The following MAGI3 variants were observed in gnomAD, a reference collection of about 807,000 sequenced individuals.
MAGI3 encodes the protein membrane associated guanylate kinase, WW and PDZ domain containing 3, also known as membrane-associated guanylate kinase, WW and PDZ domain-containing protein 3.
A neutral mutation model predicts 121.8 loss-of-function variants in MAGI3; 43 were observed. The ratio of observed to expected loss-of-function variants is 0.35; its 90% CI spans 0.28 to 0.46. The LOEUF (loss-of-function observed/expected upper bound fraction) is 0.46. MAGI3 is among the 20% of genes least tolerant of loss of function. MAGI3 has a pLI of 1.00. For missense variants in MAGI3, 1,547 were observed against 1,797.3 expected (o/e 0.86, Z 2.52); for synonymous variants, 553 against 639.3 (o/e 0.86, Z 2.04).
chr1:113,606,200 C>T (rs1217212), intron 6 of MAGI3, among the ~76,000 whole-genome samples: 59,222 of 151,806 alleles, frequency 0.39, 13,313 homozygotes, highest in African/African-American at 0.61. Flanking sequence ...CTCCTGACCT[C>T]AAGTGATCCA....
intron 1 of MAGI3, among the ~76,000 whole-genome samples, chr1:113,497,117 C>T (rs1027171217): frequency 6.6e-6 from 1 of 152,106 alleles, no homozygotes; most frequent in Admixed American, 6.5e-5. Flanking sequence ...ATTAGCTGGG[C>T]GTGATGGCGC....
chr1:113,523,161 T>C (rs541459589), intron 1 of MAGI3, among the ~76,000 whole-genome samples: 12 of 152,234 alleles, frequency 7.9e-5, no homozygotes, highest in Non-Finnish European at 1.6e-4. Context: ...CCTTCCGCCG[T>C]GACTGTGAGG....
At chr1:113,539,196 C>T (rs1003371410) in intron 1 of MAGI3, among the ~76,000 whole-genome samples, 10 of 151,972 alleles carry the variant, frequency 6.6e-5, no homozygotes, top group African/African-American at 2.4e-4. Flanking sequence ...AGATCGAGAC[C>T]ATCCTGGCCA....
intron 14 of MAGI3, among the ~76,000 whole-genome samples, chr1:113,652,640 C>T (rs1653235371): frequency 6.6e-6 from 1 of 150,880 alleles, no homozygotes; most frequent in South Asian, 2.1e-4. Flanking sequence ...TTAGCTAATA[C>T]ATTCTAACTA....
chr1:113,518,105 T>G (rs114761358), intron 1 of MAGI3, among the ~76,000 whole-genome samples: 2,412 of 152,156 alleles, frequency 0.016, 73 homozygotes, highest in African/African-American at 0.056. Context: ...GTAATACAAA[T>G]AACACACCAC....
chr1:113,429,908 A>AT (rs1447707087), intron 1 of MAGI3, among the ~76,000 whole-genome samples: 1 of 152,122 alleles, frequency 6.6e-6, no homozygotes, highest in Non-Finnish European at 1.5e-5. Context: ...CTGCCTCACC[A>AT]TAAAGGCTGG....
At chr1:113,541,826 A>G (rs919033443) in intron 1 of MAGI3, among the ~76,000 whole-genome samples, 1 of 152,202 alleles carries the variant, frequency 6.6e-6, no homozygotes. Context: ...CTACTGGTCT[A>G]TGGAACTCTT....
intron 1 of MAGI3, among the ~76,000 whole-genome samples, chr1:113,433,523 C>T (rs1653408178): frequency 6.6e-6 from 1 of 152,166 alleles, no homozygotes; most frequent in African/African-American, 2.4e-5. Flanking sequence ...TGATTTCCTT[C>T]TAATGTATGC....
chr1:113,432,127 A>T (rs1653330882), intron 1 of MAGI3, among the ~76,000 whole-genome samples: 1 of 152,216 alleles, frequency 6.6e-6, no homozygotes. Context: ...TGCTGGGACA[A>T]TTGGTTATCT....
chr1:113,657,200 C>T (rs1653522868), intron 15 of MAGI3, among the ~76,000 whole-genome samples: 1 of 152,144 alleles, frequency 6.6e-6, no homozygotes, highest in African/African-American at 2.4e-5. Flanking sequence ...CTTTGTGTAT[C>T]AACAAAAACA....
intron 5 of MAGI3, among the ~76,000 whole-genome samples, chr1:113,591,341 G>A (rs975255025): frequency 3.3e-5 from 5 of 152,040 alleles, no homozygotes; most frequent in African/African-American, 7.2e-5. Context: ...AATTCTCATC[G>A]TAAAGTAATT....
intron 1 of MAGI3, among the ~76,000 whole-genome samples, chr1:113,462,910 A>G (rs971086507): frequency 2.6e-5 from 4 of 152,156 alleles, no homozygotes; most frequent in Admixed American, 6.6e-5. Flanking sequence ...AGGTATAGGA[A>G]AAATAAGATC....
chr1:113,609,973 T>G (rs1650021508), intron 6 of MAGI3, among the ~76,000 whole-genome samples: 1 of 152,184 alleles, frequency 6.6e-6, no homozygotes, highest in South Asian at 2.1e-4. Context: ...AAGTCATCTA[T>G]TCTTAAGGAC....
chr1:113,668,569 C>CTTTTTT (rs370302032), intron 16 of MAGI3, among the ~76,000 whole-genome samples: 17 of 94,844 alleles, frequency 1.8e-4, no homozygotes, highest in South Asian at 4.4e-4. Flanking sequence ...AAACATGTAA[C>CTTTTTT]TTTTTTTTTT....
chr1:113,405,973 C>CA (rs760131268), intron 1 of MAGI3, among the ~76,000 whole-genome samples: 2 of 151,972 alleles, frequency 1.3e-5, no homozygotes, highest in Non-Finnish European at 2.9e-5. Flanking sequence ...CTGCTCTTTA[C>CA]CCCCAGAACA....
In MAGI3 at chr1:113,594,463, A is replaced by C; in HGVS notation, c.939-18A>C. The C allele has an allele frequency of 6.3e-7, 1 of 1,586,642 alleles. No homozygotes were observed. The highest frequency in any genetic ancestry group is 8.6e-7 in the Non-Finnish European group (1 of 1,166,842). On this transcript the variant is annotated intron_variant, in intron 5 of 20. Transcript: ENST00000307546. The stretch of plus-strand genomic sequence containing the variant: ...CTCCTTTATTTTACTGTTTCTAATT[A>C]AAATCTTTATTCTACAGCCACAATA...
In MAGI3 at chr1:113,637,237, T is replaced by C. The variant is rs1216318442; in HGVS notation, c.1361-4674T>C. Among the ~76,000 whole-genome samples the C allele has an allele frequency of 2.0e-5, 3 of 152,336 alleles. No individual in the cohort carries two copies. The East Asian group carries it at 5.8e-4, about 29-fold the overall frequency. ...GCATTTAGTCCATTTACATTTAAAGTTGATATTATTATGTGTGAATTTGAT... is the reference window on the plus strand; with the variant it reads ...GCATTTAGTCCATTTACATTTAAAGCTGATATTATTATGTGTGAATTTGAT... On this transcript the variant is annotated intron_variant, in intron 9 of 20. Coordinates refer to ENST00000307546, the MANE Select transcript of MAGI3 (RefSeq NM_001142782.2).
intron 1 of MAGI3, among the ~76,000 whole-genome samples, chr1:113,506,250 C>G (rs1240853617): frequency 6.6e-6 from 1 of 152,130 alleles, no homozygotes; most frequent in African/African-American, 2.4e-5. Context: ...TCACACAAAA[C>G]TATTTTTAAT....
intron 7 of MAGI3, among the ~76,000 whole-genome samples, chr1:113,618,167 A>G (rs1650591405): frequency 3.3e-3 from 1 of 302 alleles, no homozygotes; most frequent in Non-Finnish European, 0.05. Context: ...CATCTCTACA[A>G]AAAAAAAAAA....
Sources: gnomAD v4.1 joint callset for allele counts (sites outside exome capture counted in the v4.1 genomes callset) on GRCh38, gnomAD v4.1.1 for gene constraint, MANE v1.5 for transcripts, NCBI Gene and HGNC (gene_info 2026-07-23, HGNC 2026-07-21) for gene names.